Variants in NEURL1B observed in about 807,000 individuals in gnomAD.
The protein encoded by NEURL1B is neuralized E3 ubiquitin protein ligase 1B.
NEURL1B carries 13 observed loss-of-function variants against 37.4 expected under a neutral mutation model. The ratio of observed to expected loss-of-function variants is 0.35; its 90% CI spans 0.23 to 0.55. The LOEUF (loss-of-function observed/expected upper bound fraction) is 0.55, where lower values mean the gene tolerates loss of function less well. NEURL1B is among the 20% of genes least tolerant of loss of function. The pLI is 0.89. For missense variants in NEURL1B, 790 were observed against 879.2 expected (o/e 0.90, Z 1.28); for synonymous variants, 432 against 426.6 (o/e 1.01, Z -0.16).
chr5:172,648,581 A>G (rs542348967), intron 1 of NEURL1B, among the ~76,000 whole-genome samples: 1 of 152,348 alleles, frequency 6.6e-6, no homozygotes, highest in Non-Finnish European at 1.5e-5. Context: ...GCAGTCCAAC[A>G]TGATTCCAGC....
chr5:172,648,487 A>T (rs1038965810), intron 1 of NEURL1B, among the ~76,000 whole-genome samples: 2 of 152,186 alleles, frequency 1.3e-5, no homozygotes, highest in South Asian at 4.1e-4. Context: ...GCCCTGGGAG[A>T]TGGCTCCTAT....
At chr5:172,653,966 T>C (rs1281899331) in intron 1 of NEURL1B, among the ~76,000 whole-genome samples, 1 of 152,244 alleles carries the variant, frequency 6.6e-6, no homozygotes, top group Non-Finnish European at 1.5e-5. Flanking sequence ...CCATATAACA[T>C]ACTTTTTACA....
chr5:172,647,491 C>G lies in NEURL1B; in HGVS notation c.31+6054C>G, dbSNP rs190645213. 2.5e-4 allele frequency among the ~76,000 whole-genome samples: 38 copies of G among 152,138 alleles called. No homozygotes were observed. The highest frequency in any genetic ancestry group is 8.4e-4 in the African/African-American group (35 of 41,476). On this transcript the variant is annotated intron_variant, in intron 1 of 4. Coordinates refer to ENST00000369800, the MANE Select transcript of NEURL1B (RefSeq NM_001142651.3). This position sits in a 1 kb window ranked among gnomAD's most constrained non-coding sequence, Gnocchi z 4.2. ...AGGAAGTGGCAGAGTGAATTGGATC[C>G]CAGGCACGCTGGGCTCCACACCCCT...
Position 172,683,831 on chromosome 5 carries a change from G to C in NEURL1B, c.990G>C (p.Pro330=), listed in dbSNP as rs1317007704. The change falls in exon 3 of 5, where the codon CCG becomes CCC. Residue 330 remains proline, a synonymous_variant. Coordinates refer to ENST00000369800, the MANE Select transcript of NEURL1B (RefSeq NM_001142651.3). This position sits in a 1 kb window ranked among gnomAD's most constrained non-coding sequence, Gnocchi z 5.6. Reference sequence around the variant, plus strand: ...GCCTCTTCGTGGAGGTGGGCCGTCCGGGGCTGGCGGCGCCCGGCGCGCTGG... The same window carrying C: ...GCCTCTTCGTGGAGGTGGGCCGTCCCGGGCTGGCGGCGCCCGGCGCGCTGG... The part of the protein sequence containing the change: ...GESLFVEVGR[P]GLAAPGALAF... The C allele has an allele frequency of 1.6e-5, 21 of 1,324,102 alleles. No individual in the cohort carries two copies. Among genetic ancestry groups the C allele is most frequent in the Non-Finnish European group, 1.8e-5 (19 of 1,033,874 alleles). 82.0% of individuals were successfully genotyped at this position (1,324,102 alleles called of 1,614,324 possible). A position where few individuals can be genotyped will look rare whatever the true frequency, so the allele number is the denominator to read the frequency against.
chr5:172,655,394 G>A (rs539969973), intron 1 of NEURL1B, among the ~76,000 whole-genome samples: 1 of 152,094 alleles, frequency 6.6e-6, no homozygotes, highest in Non-Finnish European at 1.5e-5. Context: ...CACTTGTGCT[G>A]TCCTCTCTGG....
chr5:172,654,601 T>C (rs1757730491), intron 1 of NEURL1B, among the ~76,000 whole-genome samples: 1 of 149,336 alleles, frequency 6.7e-6, no homozygotes, highest in African/African-American at 2.5e-5. Flanking sequence ...TTACTTAGGA[T>C]AGTTCTGAAC....
Position 172,641,401 on chromosome 5 carries a change from G to C in NEURL1B, c.-6G>C, listed in dbSNP as rs1403258214. 1.5e-6 allele frequency: 2 copies of C among 1,370,550 alleles called. No individual in the cohort carries two copies. Among genetic ancestry groups the C allele is most frequent in the Admixed American group, 3.3e-5 (1 of 29,974 alleles). 84.9% of individuals were successfully genotyped at this position (1,370,550 alleles called of 1,614,324 possible). A position where few individuals can be genotyped will look rare whatever the true frequency, so the allele number is the denominator to read the frequency against. On this transcript the variant is annotated 5_prime_UTR_variant, in exon 1 of 5. Transcript: ENST00000369800. The surrounding 1 kb of genome is among the most constrained non-coding windows in gnomAD (Gnocchi z 6.4). ...CGCCGCCGCCAACGCCGCGCCCGAC[G>C]CAGCGATGGGCAACACGGTGCACCG...
chr5:172,666,646 T>C (rs1277065830), intron 1 of NEURL1B, among the ~76,000 whole-genome samples: 1 of 152,158 alleles, frequency 6.6e-6, no homozygotes, highest in Non-Finnish European at 1.5e-5. Context: ...AAAAGAGGGA[T>C]GGATACTGGG....
At position 172,691,442 on chromosome 5, in the gene NEURL1B, C is replaced by G. The variant is rs928509260; in HGVS notation, c.*4517C>G. On this transcript the variant is annotated 3_prime_UTR_variant, in exon 5 of 5. Coordinates refer to ENST00000369800, the MANE Select transcript of NEURL1B (RefSeq NM_001142651.3). ...CACTGGTCTTGAGTGTTGTGCTTTTCTGTGTTGTGTGTTTTGATTTTTGTC... is the reference window on the plus strand; with the variant it reads ...CACTGGTCTTGAGTGTTGTGCTTTTGTGTGTTGTGTGTTTTGATTTTTGTC... 1 of 151,650 alleles carries G rather than the reference C, an allele frequency of 6.6e-6. No individual in the cohort carries two copies. The highest frequency in any genetic ancestry group is 1.5e-5 in the Non-Finnish European group (1 of 67,982). 9.4% of individuals were successfully genotyped at this position (151,650 alleles called of 1,614,324 possible).
At chr5:172,667,784 A>G (rs1215156232) in intron 1 of NEURL1B, among the ~76,000 whole-genome samples, 2 of 151,626 alleles carry the variant, frequency 1.3e-5, no homozygotes, top group African/African-American at 4.8e-5. Flanking sequence ...TAAACCTTCA[A>G]TAAGGTCTCA....
chr5:172,684,045 C>T lies in NEURL1B; in HGVS notation c.1204C>T (p.Pro402Ser), dbSNP rs1758427900. The change falls in exon 3 of 5, where the codon CCG (proline) becomes TCG (serine). Residue 402 changes from proline to serine, a missense_variant. Physicochemically the swap from Pro to Ser is moderately conservative, Grantham distance 74. Coordinates refer to ENST00000369800, the MANE Select transcript of NEURL1B (RefSeq NM_001142651.3). ...GDVLLGINGR[P>S]RGRLLCVDTT... Reference sequence around the variant, plus strand: ...CGTGCTCCTGGGCATCAACGGGCGTCCGCGCGGCCGCCTGCTGTGCGTCGA... The same window carrying T: ...CGTGCTCCTGGGCATCAACGGGCGTTCGCGCGGCCGCCTGCTGTGCGTCGA... The T allele has an allele frequency of 1.5e-6, 2 of 1,331,886 alleles. No individual in the cohort carries two copies. Among genetic ancestry groups the T allele is most frequent in the African/African-American group, 1.5e-5 (1 of 64,592 alleles). The allele number at this position is 1,331,886 out of a possible 1,614,324, so 82.5% of individuals were successfully genotyped here.
At chr5:172,684,834 C>T (rs549422998) in intron 3 of NEURL1B, among the ~76,000 whole-genome samples, 1 of 152,130 alleles carries the variant, frequency 6.6e-6, no homozygotes, top group African/African-American at 2.4e-5. Flanking sequence ...TTGCTACAGC[C>T]GGGGGCTCCT....
chr5:172,641,331 T>C lies in NEURL1B; in HGVS notation c.-76T>C, dbSNP rs1257975647. ...TGCCCCGGAGCGTCGACCCCGGTCC[T>C]GGTCCCTGGCCCGCCGCGTAATTAG... On this transcript the variant is annotated 5_prime_UTR_variant, in exon 1 of 5. Transcript: ENST00000369800. The surrounding 1 kb of genome is among the most constrained non-coding windows in gnomAD (Gnocchi z 6.4). The C allele has an allele frequency of 3.8e-6, 5 of 1,311,358 alleles. No individual in the cohort carries two copies. The highest frequency in any genetic ancestry group is 3.1e-5 in the East Asian group (1 of 31,942). 81.2% of individuals were successfully genotyped at this position (1,311,358 alleles called of 1,614,324 possible).
chr5:172,652,768 G>C lies in NEURL1B; in HGVS notation c.31+11331G>C, dbSNP rs1335607739. 2.0e-5 allele frequency among the ~76,000 whole-genome samples: 3 copies of C among 152,190 alleles called. No individual in the cohort carries two copies. The East Asian group carries it at 5.8e-4, about 29-fold the overall frequency. On this transcript the variant is annotated intron_variant, in intron 1 of 4. Transcript: ENST00000369800. ...GGCAAGTCCCCACAGGGTATAACAAGGCAAGCATTAAATGCAATAGTTTGA... is the reference window on the plus strand; with the variant it reads ...GGCAAGTCCCCACAGGGTATAACAACGCAAGCATTAAATGCAATAGTTTGA...
chr5:172,672,023 C>T (rs893571780), intron 2 of NEURL1B, among the ~76,000 whole-genome samples: 1 of 152,258 alleles, frequency 6.6e-6, no homozygotes, highest in Non-Finnish European at 1.5e-5. Context: ...CACAAGATAG[C>T]ACCCACCTCA....
chr5:172,672,106 A>G (rs1183072750), intron 2 of NEURL1B, among the ~76,000 whole-genome samples: 1 of 152,256 alleles, frequency 6.6e-6, no homozygotes, highest in African/African-American at 2.4e-5. Flanking sequence ...CAGAGAAGGC[A>G]CTCAAGAAAT....
At chr5:172,669,702 G>A (rs887463335) in intron 1 of NEURL1B, 83 bp from the exon 2 acceptor site, 2 of 1,023,318 alleles carry the variant, frequency 2.0e-6, no homozygotes, top group Non-Finnish European at 2.5e-6. Context: ...AATTTCAAAT[G>A]AAAATGATTG....
chr5:172,646,948 C>T (rs1485148253), intron 1 of NEURL1B, among the ~76,000 whole-genome samples: 3 of 133,108 alleles, frequency 2.3e-5, no homozygotes, highest in East Asian at 2.1e-4. Flanking sequence ...AGTCTGGAGG[C>T]GGGGGCCGGG....
chr5:172,651,493 A>C (rs1397950008), intron 1 of NEURL1B, among the ~76,000 whole-genome samples: 1 of 152,250 alleles, frequency 6.6e-6, no homozygotes, highest in Admixed American at 6.5e-5. Context: ...TAGAGCAGTC[A>C]GACCTTGCAA....
Sources: gnomAD v4.1 joint callset for allele counts (sites outside exome capture counted in the v4.1 genomes callset) on GRCh38, gnomAD v4.1.1 for gene constraint, Gnocchi (gnomAD v3.1) non-coding constraint, MANE v1.5 for transcripts, NCBI Gene and HGNC (gene_info 2026-07-23, HGNC 2026-07-21) for gene names.